Variants in PCSK5 observed in about 807,000 individuals in gnomAD.
PCSK5 encodes prohormone convertase 5.
Under a neutral mutation model 233.2 loss-of-function variants are expected in PCSK5, and 129 were observed. The observed-to-expected ratio is 0.55, with a 90% CI of 0.48 to 0.64. PCSK5 has a LOEUF of 0.64. PCSK5 is among the 30% of genes least tolerant of loss of function. The pLI is 0.00. For missense variants in PCSK5, 2,076 were observed against 2,430.1 expected (o/e 0.85, Z 3.06); for synonymous variants, 825 against 879.2 (o/e 0.94, Z 1.09).
chr9:76,225,305 T>TA (rs1406122689), intron 20 of PCSK5, among the ~76,000 whole-genome samples: 2 of 152,224 alleles, frequency 1.3e-5, no homozygotes, highest in Non-Finnish European at 2.9e-5. Flanking sequence ...TATGTAGTGT[T>TA]AAAAAATATA....
chr9:76,351,591 GAGAA>G (rs915641511), intron 36 of PCSK5, among the ~76,000 whole-genome samples: 1 of 61,098 alleles, frequency 1.6e-5, no homozygotes, highest in Non-Finnish European at 4.6e-5. Context: ...GAAGGAGAGA[GAGAA>G]AGAAAGAGAA....
At chr9:76,310,566 T>C (rs1179014803) in intron 29 of PCSK5, 90 bp from the exon 30 acceptor site, 2 of 768,474 alleles carry the variant, frequency 2.6e-6, no homozygotes, top group South Asian at 3.1e-5. Context: ...CCTGGATACT[T>C]TGGTCTTTGG....
intron 20 of PCSK5, among the ~76,000 whole-genome samples, chr9:76,218,515 T>A (rs1028563433): frequency 6.6e-6 from 1 of 151,334 alleles, no homozygotes; most frequent in African/African-American, 2.4e-5. Flanking sequence ...CTTGATCAAA[T>A]GGAGCTGAGA....
chr9:76,175,697 C>T (rs1269999265), intron 14 of PCSK5: 1 of 153,358 alleles, frequency 6.5e-6, no homozygotes, highest in Non-Finnish European at 1.4e-5. Context: ...TACCAGTCTT[C>T]ACTGTGACCA....
intron 33 of PCSK5, among the ~76,000 whole-genome samples, chr9:76,329,696 G>A (rs1213903802): frequency 6.6e-6 from 1 of 151,934 alleles, no homozygotes; most frequent in Non-Finnish European, 1.5e-5. Flanking sequence ...AGCCAGGTGT[G>A]GTGGTGGGCA....
intron 9 of PCSK5, among the ~76,000 whole-genome samples, chr9:76,120,458 T>A (rs989070794): frequency 2.0e-5 from 3 of 152,134 alleles, no homozygotes; most frequent in African/African-American, 7.2e-5. Context: ...AAAATCTTTC[T>A]ACATTGTTTA....
intron 1 of PCSK5, among the ~76,000 whole-genome samples, chr9:75,910,904 A>G (rs1211635013): frequency 6.6e-6 from 1 of 152,212 alleles, no homozygotes; most frequent in Non-Finnish European, 1.5e-5. Context: ...TGATGTGGAC[A>G]CAGTGGGGAA....
Position 76,025,572 on chromosome 9 carries a change from C to T in PCSK5, c.556-1389C>T, listed in dbSNP as rs189518977. 7.9e-4 allele frequency among the ~76,000 whole-genome samples: 120 copies of T among 152,180 alleles called. 1 individual carries two copies. Among genetic ancestry groups the T allele is most frequent in the East Asian group, 4.1e-3 (21 of 5,172 alleles). ...AAGATGTTGAGTCACCATTTTACCC[C>T]GCATCTGTATTCCTATACTATTTAT... On this transcript the variant is annotated intron_variant, in intron 4 of 37. Transcript: ENST00000674117.
chr9:76,266,685 T>C (rs1827342929), intron 24 of PCSK5, among the ~76,000 whole-genome samples: 1 of 152,196 alleles, frequency 6.6e-6, no homozygotes, highest in East Asian at 1.9e-4. Flanking sequence ...TCACCAAGAA[T>C]AAACACTCAC....
At chr9:75,997,945 C>A (rs555669571) in intron 3 of PCSK5, among the ~76,000 whole-genome samples, 1 of 152,048 alleles carries the variant, frequency 6.6e-6, no homozygotes, top group South Asian at 2.1e-4. Context: ...TGAATTTGAC[C>A]CTTATAAAAA....
intron 30 of PCSK5, among the ~76,000 whole-genome samples, chr9:76,315,150 C>T (rs1828988268): frequency 6.6e-6 from 1 of 152,032 alleles, no homozygotes; most frequent in Admixed American, 6.6e-5. Flanking sequence ...GATGGGGTTT[C>T]ACCACGTTGG....
chr9:75,947,488 A>C (rs1054982318), intron 2 of PCSK5, among the ~76,000 whole-genome samples: 1 of 152,052 alleles, frequency 6.6e-6, no homozygotes, highest in African/African-American at 2.4e-5. Flanking sequence ...CTGCCATTCC[A>C]AGAAAAATTA....
rs371610531 is a variant in PCSK5, at chr9:75,912,840, T to C, written c.193-19539T>C. 3.3e-5 allele frequency among the ~76,000 whole-genome samples: 5 copies of C among 152,218 alleles called. No homozygotes were observed. The South Asian group carries it at 1.0e-3, about 32-fold the overall frequency. On this transcript the variant is annotated intron_variant, in intron 1 of 37. Coordinates refer to ENST00000674117, the MANE Select transcript of PCSK5 (RefSeq NM_001372043.1). Reference sequence around the variant, plus strand: ...TCGTTTCCTCTACAGAAAGCTATTTTCCTCTGCTCTTTTTGTAAATGACAA... The same window carrying C: ...TCGTTTCCTCTACAGAAAGCTATTTCCCTCTGCTCTTTTTGTAAATGACAA...
In PCSK5 at chr9:76,233,577, C is replaced by CT; in HGVS notation, c.2848dup (p.Cys950LeufsTer23). 1 of 1,610,896 alleles carries CT rather than the reference C, an allele frequency of 6.2e-7. No individual in the cohort carries two copies. On this transcript the variant is annotated frameshift_variant, in exon 22 of 38. Transcript: ENST00000674117. LOFTEE classifies it high-confidence loss of function. The stretch of plus-strand genomic sequence containing the variant: ...GATGCCAAGGAAGTGGCCCTACCCA[C>CT]TGCACCTCCTGTGGAGCAGGTGAGA...
At chr9:76,187,237 A>G (rs180926943) in intron 17 of PCSK5, among the ~76,000 whole-genome samples, 150 of 152,356 alleles carry the variant, frequency 9.8e-4, no homozygotes, top group African/African-American at 3.3e-3. Context: ...GTTTAAAACA[A>G]TGGAAACCAT....
At chr9:75,966,898 C>T (rs1825610200) in intron 2 of PCSK5, among the ~76,000 whole-genome samples, 1 of 152,158 alleles carries the variant, frequency 6.6e-6, no homozygotes, top group African/African-American at 2.4e-5. Context: ...CCCTTAAGCA[C>T]TTTATGTTAA....
In PCSK5 at chr9:76,359,216, T is replaced by C. The variant is rs570645662; in HGVS notation, c.*294T>C. ...CAAAAATGAAGGAAGTGAAAACAAA[T>C]GAGATTTGTACAAACTCTTCTATGT... On this transcript the variant is annotated 3_prime_UTR_variant, in exon 38 of 38. Transcript: ENST00000674117. 2.7e-6 allele frequency: 1 copy of C among 365,812 alleles called. No individual in the cohort carries two copies. The highest frequency in any genetic ancestry group is 4.5e-5 in the South Asian group (1 of 22,422). 22.7% of individuals were successfully genotyped at this position (365,812 alleles called of 1,614,324 possible). A position where few individuals can be genotyped will look rare whatever the true frequency, so the allele number is the denominator to read the frequency against.
At chr9:75,911,423 A>G (rs1822733771) in intron 1 of PCSK5, among the ~76,000 whole-genome samples, 1 of 151,952 alleles carries the variant, frequency 6.6e-6, no homozygotes, top group Admixed American at 6.6e-5. Context: ...CTGTCCTTCA[A>G]CATTCATTGC....
At position 76,279,504 on chromosome 9, in the gene PCSK5, G is replaced by C. The variant is rs926453827; in HGVS notation, c.3143-12729G>C. ...AATCGCCACACTGACTTCCACAAGG[G>C]TTGAACTAGTTTACAGTCCCACCAA... On this transcript the variant is annotated intron_variant, in intron 24 of 37. Transcript: ENST00000674117. 4.0e-3 allele frequency among the ~76,000 whole-genome samples: 602 copies of C among 152,082 alleles called. 4 individuals are homozygous for C. Among genetic ancestry groups the C allele is most frequent in the African/African-American group, 0.014 (573 of 41,440 alleles).
Sources: allele counts gnomAD v4.1 joint callset (sites outside exome capture counted in the v4.1 genomes callset), GRCh38; gene constraint gnomAD v4.1.1; transcripts MANE v1.5; gene names NCBI Gene and HGNC (gene_info 2026-07-23, HGNC 2026-07-21).